The following MEGF10 variants were observed in gnomAD, a reference collection of about 807,000 sequenced individuals.
The protein encoded by MEGF10 is multiple EGF like domains 10, also known as multiple epidermal growth factor-like domains protein 10.
MEGF10 carries 86 observed loss-of-function variants against 147.5 expected under a neutral mutation model. The ratio of observed to expected loss-of-function variants is 0.58; its 90% CI spans 0.49 to 0.70. MEGF10 has a LOEUF of 0.70. MEGF10 is among the 30% of genes least tolerant of loss of function. The pLI is 0.00. For missense variants in MEGF10, 1,329 were observed against 1,487.3 expected (o/e 0.89, Z 1.75); for synonymous variants, 478 against 525.5 (o/e 0.91, Z 1.24).
At chr5:127,280,587 G>A in the MEGF10 span, among the ~76,000 whole-genome samples, 1 of 152,122 alleles carries the variant, frequency 6.6e-6, no homozygotes, top group African/African-American at 2.4e-5. Context: ...TTGTATTTGA[G>A]AAACACTCAC....
At chr5:127,387,819 T>C (rs779634224) in intron 5 of MEGF10, among the ~76,000 whole-genome samples, 1 of 152,244 alleles carries the variant, frequency 6.6e-6, no homozygotes, top group Non-Finnish European at 1.5e-5. Context: ...GCCTGGCACA[T>C]GTTAGAAACT....
At chr5:127,332,439 C>G (rs967803388) in intron 2 of MEGF10, among the ~76,000 whole-genome samples, 2 of 152,142 alleles carry the variant, frequency 1.3e-5, no homozygotes, top group African/African-American at 2.4e-5. Flanking sequence ...TTGTTCCCCA[C>G]TGTTAGGATG....
intron 5 of MEGF10, among the ~76,000 whole-genome samples, chr5:127,386,167 G>A (rs1254248683): frequency 6.6e-6 from 1 of 152,154 alleles, no homozygotes; most frequent in South Asian, 2.1e-4. Flanking sequence ...TTCACCTAGG[G>A]TTTGTTTACA....
At chr5:127,380,560 C>G (rs901218605) in intron 5 of MEGF10, among the ~76,000 whole-genome samples, 1 of 151,460 alleles carries the variant, frequency 6.6e-6, no homozygotes, top group East Asian at 1.9e-4. Context: ...CATTGTCACC[C>G]GGGCTGGAGT....
intron 2 of MEGF10, among the ~76,000 whole-genome samples, chr5:127,336,050 T>A (rs2126792390): frequency 7.6e-6 from 1 of 132,126 alleles, no homozygotes; most frequent in Non-Finnish European, 1.7e-5. Flanking sequence ...CAGGTAATTA[T>A]CATTGGTCAG....
intron 1 of MEGF10, among the ~76,000 whole-genome samples, chr5:127,329,547 T>C (rs1020726762): frequency 6.6e-6 from 1 of 152,194 alleles, no homozygotes; most frequent in Non-Finnish European, 1.5e-5. Flanking sequence ...TATTTGTTTA[T>C]TTTAAGATAA....
chr5:127,249,037 C>G, the MEGF10 span, among the ~76,000 whole-genome samples: 1 of 151,938 alleles, frequency 6.6e-6, no homozygotes, highest in Non-Finnish European at 1.5e-5. Context: ...GATCATTGGA[C>G]ATGGTAAACG....
At chr5:127,248,073 T>C in the MEGF10 span, among the ~76,000 whole-genome samples, 2 of 152,090 alleles carry the variant, frequency 1.3e-5, no homozygotes, top group Non-Finnish European at 2.9e-5. Context: ...CCAGCTATAA[T>C]GGAAAGACTT....
At chr5:127,237,575 A>G in the MEGF10 span, among the ~76,000 whole-genome samples, 1 of 152,144 alleles carries the variant, frequency 6.6e-6, no homozygotes, top group East Asian at 1.9e-4. Flanking sequence ...AAAAGAAAAC[A>G]TGCTATGTGT....
intron 6 of MEGF10, among the ~76,000 whole-genome samples, chr5:127,398,022 A>T (rs1763986747): frequency 6.8e-6 from 1 of 148,120 alleles, no homozygotes; most frequent in African/African-American, 2.5e-5. Flanking sequence ...CAATGAGAAC[A>T]CATGGACACA....
the MEGF10 span, among the ~76,000 whole-genome samples, chr5:127,231,266 A>G: frequency 6.6e-6 from 1 of 152,248 alleles, no homozygotes; most frequent in African/African-American, 2.4e-5. Flanking sequence ...ATTAAAATCG[A>G]AACTCCTCAG....
At chr5:127,296,727 A>G (rs929410325) in intron 1 of MEGF10, among the ~76,000 whole-genome samples, 1 of 152,220 alleles carries the variant, frequency 6.6e-6, no homozygotes. Flanking sequence ...ATTGAAAACT[A>G]AAACACACAA....
the MEGF10 span, among the ~76,000 whole-genome samples, chr5:127,246,748 A>G: frequency 6.9e-6 from 1 of 144,372 alleles, no homozygotes; most frequent in Non-Finnish European, 1.5e-5. Flanking sequence ...CATATATTTT[A>G]TATTTACATA....
chr5:127,267,032 C>T, the MEGF10 span, among the ~76,000 whole-genome samples: 48 of 152,296 alleles, frequency 3.2e-4, no homozygotes, highest in African/African-American at 1.1e-3. Flanking sequence ...AGTTTTTGTC[C>T]ATTCAGTATG....
At chr5:127,355,211 G>A (rs79236366) in intron 4 of MEGF10, among the ~76,000 whole-genome samples, 2,058 of 152,126 alleles carry the variant, frequency 0.014, 15 homozygotes, top group Non-Finnish European at 0.022. Flanking sequence ...AGGAAAGGAG[G>A]AGTACCTCTT....
intron 4 of MEGF10, among the ~76,000 whole-genome samples, chr5:127,342,968 C>A (rs1325717809): frequency 6.6e-6 from 1 of 151,878 alleles, no homozygotes. Flanking sequence ...TCATTGCTTC[C>A]CCACACCCCC....
chr5:127,456,040 G>T (rs1287739679), intron 24 of MEGF10, among the ~76,000 whole-genome samples: 1 of 152,086 alleles, frequency 6.6e-6, no homozygotes, highest in African/African-American at 2.4e-5. Flanking sequence ...AAAATTTAAG[G>T]TAAAGTTTCT....
Position 127,440,618 on chromosome 5 carries a change from A to G in MEGF10, c.2234-121A>G, listed in dbSNP as rs969629622. ...TGGCAAGCTCAGATATGTACTATTC[A>G]CTGTATTCTCTGATGGCTCAGTGTC... On this transcript the variant is annotated intron_variant, in intron 17 of 24. Transcript: ENST00000503335. 5.1e-5 allele frequency: 51 copies of G among 1,007,484 alleles called. 2 individuals are homozygous for G. The highest frequency in any genetic ancestry group is 1.5e-6 in the Non-Finnish European group (1 of 672,818). 62.4% of individuals were successfully genotyped at this position (1,007,484 alleles called of 1,614,324 possible). A position where few individuals can be genotyped will look rare whatever the true frequency, so the allele number is the denominator to read the frequency against.
chr5:127,259,888 G>A, the MEGF10 span, among the ~76,000 whole-genome samples: 1 of 152,146 alleles, frequency 6.6e-6, no homozygotes, highest in Admixed American at 6.5e-5. Flanking sequence ...CGGGCACGGT[G>A]GCTCATGCCT....
Sources: gnomAD v4.1 joint callset for allele counts (sites outside exome capture counted in the v4.1 genomes callset) on GRCh38, gnomAD v4.1.1 for gene constraint, MANE v1.5 for transcripts, NCBI Gene and HGNC (gene_info 2026-07-23, HGNC 2026-07-21) for gene names.